NRG3: variants seen among roughly 807,000 people sequenced by gnomAD.
NRG3 encodes the protein neuregulin 3.
Under a neutral mutation model 66.9 loss-of-function variants are expected in NRG3, and 31 were observed. That is an observed-to-expected ratio of 0.46 (90% CI 0.35 to 0.63). The LOEUF (loss-of-function observed/expected upper bound fraction) is 0.63. Among genes scored for constraint, NRG3 ranks in the 20% least tolerant of loss-of-function variants. The pLI is 0.00. For synonymous variants in NRG3, 393 were observed against 359.4 expected (o/e 1.09, Z -1.06); for missense variants, 910 against 878.9 (o/e 1.04, Z -0.45).
chr10:82,570,487 T>G (rs1392528261), intron 2 of NRG3, among the ~76,000 whole-genome samples: 3 of 151,646 alleles, frequency 2.0e-5, no homozygotes, highest in Non-Finnish European at 4.4e-5. Flanking sequence ...CACTGTGCTT[T>G]GCAGACCTCA....
chr10:82,593,288 A>G (rs551487489), intron 2 of NRG3, among the ~76,000 whole-genome samples: 3 of 152,300 alleles, frequency 2.0e-5, no homozygotes, highest in Admixed American at 6.5e-5. Flanking sequence ...AAGCCTTGCT[A>G]TTGATCTTAC....
At chr10:82,072,711 A>G (rs755033755) in intron 1 of NRG3, among the ~76,000 whole-genome samples, 1 of 150,212 alleles carries the variant, frequency 6.7e-6, no homozygotes, top group African/African-American at 2.4e-5. Context: ...TTGCTTCATT[A>G]TTTTATGTCT....
At chr10:82,056,086 T>G (rs930641356) in intron 1 of NRG3, among the ~76,000 whole-genome samples, 4 of 152,140 alleles carry the variant, frequency 2.6e-5, no homozygotes, top group African/African-American at 9.7e-5. Context: ...CTTGTGCCTT[T>G]TAAAAAATTT....
chr10:82,958,457 C>T (rs549027025), intron 5 of NRG3, among the ~76,000 whole-genome samples: 1 of 152,216 alleles, frequency 6.6e-6, no homozygotes, highest in African/African-American at 2.4e-5. Flanking sequence ...AATAAATGAG[C>T]TATTTCTAAA....
chr10:82,734,278 A>T (rs1017906765), intron 2 of NRG3, among the ~76,000 whole-genome samples: 1 of 152,174 alleles, frequency 6.6e-6, no homozygotes, highest in Non-Finnish European at 1.5e-5. Flanking sequence ...TTTTTATTTC[A>T]GGTACAGCTG....
intron 2 of NRG3, among the ~76,000 whole-genome samples, chr10:82,555,032 A>T (rs2044560523): frequency 6.6e-6 from 1 of 151,950 alleles, no homozygotes; most frequent in Non-Finnish European, 1.5e-5. Flanking sequence ...TCCCCTAAAA[A>T]CTCAAATGAC....
In NRG3 at chr10:82,985,547, G is replaced by C. The variant is rs763500458; in HGVS notation, c.2033G>C (p.Arg678Pro). The change falls in exon 9 of 9, where the codon CGA becomes CCA. Residue 678 changes from arginine to proline, a missense_variant. Arg to Pro is a moderately radical substitution (Grantham distance 103, BLOSUM62 -2). Transcript: ENST00000372141. ...CTGAGTCCCACAGCCAAATCAGAAC[G>C]AGAGGCGCAATTTGTCTTAAGAAAT... is the stretch of plus-strand genomic sequence containing the variant. ...LPLSPTAKSE[R>P]EAQFVLRNEI... The C allele has an allele frequency of 4.3e-6, 7 of 1,613,910 alleles. No homozygotes were observed. The East Asian group carries it at 1.1e-4, about 26-fold the overall frequency.
At chr10:82,749,496 T>C (rs1200970879) in intron 3 of NRG3, among the ~76,000 whole-genome samples, 1 of 152,136 alleles carries the variant, frequency 6.6e-6, no homozygotes, top group Non-Finnish European at 1.5e-5. Context: ...TTCTTATCAC[T>C]CCTATAAGGT....
chr10:82,314,996 G>A (rs2081221945), intron 1 of NRG3, among the ~76,000 whole-genome samples: 2 of 152,072 alleles, frequency 1.3e-5, no homozygotes, highest in Admixed American at 6.5e-5. Flanking sequence ...CTAGCTGAAT[G>A]TATATGTGTG....
chr10:82,310,227 G>A (rs367845057), intron 1 of NRG3, among the ~76,000 whole-genome samples: 4 of 152,106 alleles, frequency 2.6e-5, no homozygotes, highest in Non-Finnish European at 5.9e-5. Context: ...TGTATTTTGC[G>A]ATTGGAAGGA....
At chr10:82,489,172 T>C (rs1166295030) in intron 2 of NRG3, among the ~76,000 whole-genome samples, 1 of 152,136 alleles carries the variant, frequency 6.6e-6, no homozygotes, top group Non-Finnish European at 1.5e-5. Flanking sequence ...GTGATTAAAA[T>C]TGGATGTGAA....
At chr10:82,048,770 A>G (rs4317926) in intron 1 of NRG3, among the ~76,000 whole-genome samples, 133,468 of 150,576 alleles carry the variant, frequency 0.89, 60,311 homozygotes, top group South Asian at 0.99. Flanking sequence ...TGAAGGAAAT[A>G]GAGACACAAA....
chr10:81,875,749 C>T lies in NRG3; in HGVS notation c.409C>T (p.Pro137Ser), dbSNP rs556346398. Reference protein sequence around the residue: ...TTTTTTSTTSPATPSAGGAAS... With the variant: ...TTTTTTSTTSSATPSAGGAAS... ...CACCACTACCACTTCCACCACGTCC[C>T]CCGCCACCCCCTCCGCCGGGGGTGC... The change falls in exon 1 of 9, where the codon CCC becomes TCC. Residue 137 changes from proline (P) to serine (S), a missense_variant. Physicochemically the swap from Pro to Ser is moderately conservative, Grantham distance 74 (BLOSUM62 -1). Transcript: ENST00000372141. This position sits in a 1 kb window ranked among gnomAD's most constrained non-coding sequence, Gnocchi z 5.3. 3 of 1,612,718 alleles carry T rather than the reference C, an allele frequency of 1.9e-6. No individual in the cohort carries two copies. Among genetic ancestry groups the T allele is most frequent in the Admixed American group, 1.7e-5 (1 of 59,966 alleles).
At chr10:82,538,811 T>C (rs2043339607) in intron 2 of NRG3, among the ~76,000 whole-genome samples, 1 of 152,200 alleles carries the variant, frequency 6.6e-6, no homozygotes, top group South Asian at 2.1e-4. Flanking sequence ...TAAGTTATGT[T>C]ACTGTTGTCC....
chr10:82,233,807 C>T (rs1166532838), intron 1 of NRG3, among the ~76,000 whole-genome samples: 1 of 152,160 alleles, frequency 6.6e-6, no homozygotes, highest in Non-Finnish European at 1.5e-5. Flanking sequence ...CCCACAAGCA[C>T]CTACTTACAC....
intron 1 of NRG3, among the ~76,000 whole-genome samples, chr10:82,094,759 G>A (rs1223277125): frequency 6.6e-6 from 1 of 152,150 alleles, no homozygotes; most frequent in Non-Finnish European, 1.5e-5. Context: ...GGGACTAGAG[G>A]TCATTATCTT....
intron 1 of NRG3, among the ~76,000 whole-genome samples, chr10:82,085,858 C>T (rs2065692199): frequency 1.3e-5 from 2 of 151,964 alleles, no homozygotes; most frequent in South Asian, 4.1e-4. Flanking sequence ...AGGCTAGTCT[C>T]GAACTCTGAC....
chr10:82,317,828 G>T lies in NRG3; in HGVS notation c.824-40911G>T, dbSNP rs1390989475. 2.6e-5 allele frequency among the ~76,000 whole-genome samples: 4 copies of T among 152,172 alleles called. No homozygotes were observed. The East Asian group carries it at 7.7e-4, about 29-fold the overall frequency. ...CCTTTCTCTGAAGATGATTTTGAGGGCTCCAAATTTAAAGAGGAAAGGGCA... is the reference window on the plus strand; with the variant it reads ...CCTTTCTCTGAAGATGATTTTGAGGTCTCCAAATTTAAAGAGGAAAGGGCA... On this transcript the variant is annotated intron_variant, in intron 1 of 8. Coordinates refer to ENST00000372141, the MANE Select transcript of NRG3 (RefSeq NM_001010848.4).
At chr10:82,063,762 A>G (rs1279331644) in intron 1 of NRG3, among the ~76,000 whole-genome samples, 2 of 152,184 alleles carry the variant, frequency 1.3e-5, no homozygotes, top group Non-Finnish European at 2.9e-5. Context: ...AAAGAAAGTA[A>G]ACTGGGAACT....
Sources: gnomAD v4.1 joint callset for allele counts (sites outside exome capture counted in the v4.1 genomes callset) on GRCh38, gnomAD v4.1.1 for gene constraint, Gnocchi (gnomAD v3.1) non-coding constraint, MANE v1.5 for transcripts, NCBI Gene and HGNC (gene_info 2026-07-23, HGNC 2026-07-21) for gene names.